Variants in LIN54 observed in about 807,000 individuals in gnomAD.
The protein encoded by LIN54 is protein lin-54 homolog.
In LIN54, 9 loss-of-function variants were observed where a neutral mutation model predicts 78.7. The ratio of observed to expected loss-of-function variants is 0.11; its 90% CI spans 0.07 to 0.20. The LOEUF (loss-of-function observed/expected upper bound fraction) is 0.20, where lower values mean the gene tolerates loss of function less well. Ranked by LOEUF, LIN54 falls within the 10% of genes least tolerant of loss-of-function variation. The pLI is 1.00. For missense variants in LIN54, 573 were observed against 889.9 expected (o/e 0.64, Z 4.53); for synonymous variants, 269 against 318.4 (o/e 0.84, Z 1.65).
intron 2 of LIN54, among the ~76,000 whole-genome samples, chr4:82,979,959 A>T (rs1250932751): frequency 6.7e-6 from 1 of 149,074 alleles, no homozygotes; most frequent in Non-Finnish European, 1.5e-5. Context: ...AAAAAAAAAA[A>T]AAAAAAATAC....
chr4:82,939,401 G>A (rs1722651547), intron 7 of LIN54, 138 bp downstream of exon 7: 2 of 724,742 alleles, frequency 2.8e-6, no homozygotes, highest in East Asian at 2.5e-5. Context: ...TTAAAGGTTT[G>A]GGTTAACATT....
intron 1 of LIN54, among the ~76,000 whole-genome samples, chr4:82,995,858 T>G (rs1390239018): frequency 1.3e-5 from 2 of 151,598 alleles, no homozygotes; most frequent in African/African-American, 4.8e-5. Context: ...TAAAAGAAAG[T>G]TTCAGGACCA....
At chr4:83,003,828 A>AT (rs552402823) in intron 1 of LIN54, among the ~76,000 whole-genome samples, 5 of 151,766 alleles carry the variant, frequency 3.3e-5, no homozygotes, top group African/African-American at 7.3e-5. Flanking sequence ...ACCTGACCTA[A>AT]TTTTTTTTTA....
intron 11 of LIN54, among the ~76,000 whole-genome samples, chr4:82,933,471 G>A (rs1722137953): frequency 6.6e-6 from 1 of 151,620 alleles, no homozygotes; most frequent in Admixed American, 6.6e-5. Context: ...CAATCAACAA[G>A]CCTATAGGCA....
At chr4:82,976,702 C>T (rs989787593) in intron 3 of LIN54, among the ~76,000 whole-genome samples, 6 of 151,654 alleles carry the variant, frequency 4.0e-5, no homozygotes, top group South Asian at 4.2e-4. Flanking sequence ...GGCGAGACTC[C>T]GTCTTAAAAA....
rs554727234 is a variant in LIN54, at chr4:82,962,924, GAAGAA to G, written c.951+7398_951+7402del. ...TCAAAGTTAAGTTTAAGAACTATTT[GAAGAA>G]AAGTGACCCAAGTTTTCTGAAAGTA... On this transcript the variant is annotated intron_variant, in intron 4 of 12. Coordinates refer to ENST00000340417, the MANE Select transcript of LIN54 (RefSeq NM_194282.4). Among the ~76,000 whole-genome samples, 535 of 152,032 alleles carry G rather than the reference GAAGAA, an allele frequency of 3.5e-3. 4 individuals are homozygous for G. The highest frequency in any genetic ancestry group is 0.012 in the African/African-American group (510 of 41,518).
At chr4:82,964,467 A>C (rs1471307945) in intron 4 of LIN54, among the ~76,000 whole-genome samples, 1 of 152,088 alleles carries the variant, frequency 6.6e-6, no homozygotes, top group East Asian at 1.9e-4. Flanking sequence ...AGTTTGATAT[A>C]TTTTTCTCCC....
chr4:82,964,349 C>A (rs918752911), intron 4 of LIN54, among the ~76,000 whole-genome samples: 33 of 152,344 alleles, frequency 2.2e-4, no homozygotes, highest in African/African-American at 7.7e-4. Context: ...CCATGCCCCC[C>A]AGCCACTTAC....
intron 8 of LIN54, 88 bp downstream of exon 8, chr4:82,938,321 AAAAT>A (rs1722556673): frequency 4.0e-6 from 3 of 756,426 alleles, no homozygotes; most frequent in Non-Finnish European, 6.8e-6. Flanking sequence ...TAAGGGGAAA[AAAAT>A]AAAAGAGGAT....
intron 5 of LIN54, among the ~76,000 whole-genome samples, chr4:82,942,398 T>C (rs1276151656): frequency 6.6e-6 from 1 of 152,244 alleles, no homozygotes; most frequent in Non-Finnish European, 1.5e-5. Flanking sequence ...CTTTATGGTA[T>C]ACATGAATTA....
chr4:82,966,170 T>C (rs1417590179), intron 4 of LIN54, among the ~76,000 whole-genome samples: 1 of 152,208 alleles, frequency 6.6e-6, no homozygotes, highest in Admixed American at 6.5e-5. Context: ...ATATCCATAG[T>C]TTCAGTGACT....
At chr4:82,945,706 C>G (rs980550395) in intron 5 of LIN54, among the ~76,000 whole-genome samples, 1 of 152,070 alleles carries the variant, frequency 6.6e-6, no homozygotes, top group Non-Finnish European at 1.5e-5. Flanking sequence ...ATTGTTAAGG[C>G]TGGTCTTGAA....
chr4:82,963,640 T>G (rs906678996), intron 4 of LIN54, among the ~76,000 whole-genome samples: 1 of 151,698 alleles, frequency 6.6e-6, no homozygotes, highest in African/African-American at 2.4e-5. Flanking sequence ...GAAAGTAGAC[T>G]GTGATAAGTC....
At chr4:82,956,740 T>C (rs1724367084) in intron 4 of LIN54, among the ~76,000 whole-genome samples, 1 of 150,928 alleles carries the variant, frequency 6.6e-6, no homozygotes, top group South Asian at 2.1e-4. Flanking sequence ...ATTTATTCTT[T>C]CTGCCTCTTT....
At chr4:82,989,960 C>T (rs1727519961) in intron 1 of LIN54, among the ~76,000 whole-genome samples, 1 of 152,170 alleles carries the variant, frequency 6.6e-6, no homozygotes, top group African/African-American at 2.4e-5. Context: ...AACCAAAGCA[C>T]CATTCAGGTG....
At chr4:82,987,769 C>G (rs529596027) in intron 1 of LIN54, among the ~76,000 whole-genome samples, 2 of 152,322 alleles carry the variant, frequency 1.3e-5, no homozygotes, top group Non-Finnish European at 2.9e-5. Context: ...TTTTATTTAT[C>G]CAGTCTATCA....
At chr4:82,937,500 G>A (rs191288920) in intron 8 of LIN54, among the ~76,000 whole-genome samples, 5 of 152,248 alleles carry the variant, frequency 3.3e-5, no homozygotes, top group Non-Finnish European at 4.4e-5. Context: ...AGTTTGCTAC[G>A]TTGTTCTATT....
intron 2 of LIN54, among the ~76,000 whole-genome samples, chr4:82,982,243 T>C (rs1164102417): frequency 6.6e-6 from 1 of 152,130 alleles, no homozygotes; most frequent in Non-Finnish European, 1.5e-5. Context: ...TTATTTTTAT[T>C]TTTTTGAGAC....
intron 5 of LIN54, among the ~76,000 whole-genome samples, chr4:82,941,173 T>G (rs913711626): frequency 1.5e-4 from 22 of 149,416 alleles, no homozygotes; most frequent in Admixed American, 1.0e-3. Context: ...TATATATATA[T>G]ATCGTTGGCA....
Sources: allele counts gnomAD v4.1 joint callset (sites outside exome capture counted in the v4.1 genomes callset), GRCh38; gene constraint gnomAD v4.1.1; transcripts MANE v1.5; gene names NCBI Gene and HGNC (gene_info 2026-07-23, HGNC 2026-07-21).